The following SORCS3 variants were observed in gnomAD, a reference collection of about 807,000 sequenced individuals.
The protein encoded by SORCS3 is sortilin related VPS10 domain containing receptor 3, also known as VPS10 domain-containing receptor SorCS3.
Under a neutral mutation model 146.3 loss-of-function variants are expected in SORCS3, and 57 were observed. The ratio of observed to expected loss-of-function variants is 0.39; its 90% CI spans 0.31 to 0.49. SORCS3 has a LOEUF of 0.49. SORCS3 is among the 20% of genes least tolerant of loss of function. The probability of loss-of-function intolerance (pLI) is 0.92; values close to 1 mark genes in which losing one functional copy is unlikely to be tolerated. For missense variants in SORCS3, 1,341 were observed against 1,575.5 expected (o/e 0.85, Z 2.52); for synonymous variants, 653 against 618.5 (o/e 1.06, Z -0.83).
chr10:104,989,642 G>A (rs2054982489), intron 4 of SORCS3, among the ~76,000 whole-genome samples: 1 of 152,172 alleles, frequency 6.6e-6, no homozygotes. Context: ...TTCTGTCTAA[G>A]CAGAATGTGA....
At chr10:105,012,336 A>G (rs1331429205) in intron 4 of SORCS3, among the ~76,000 whole-genome samples, 2 of 152,192 alleles carry the variant, frequency 1.3e-5, no homozygotes, top group African/African-American at 4.8e-5. Flanking sequence ...ATGCATGTTC[A>G]AAGTGAAGGA....
intron 1 of SORCS3, among the ~76,000 whole-genome samples, chr10:104,773,853 T>C (rs2017278772): frequency 6.6e-6 from 1 of 152,170 alleles, no homozygotes. Flanking sequence ...ACAGTGCAGG[T>C]CTCTGAGATA....
intron 1 of SORCS3, among the ~76,000 whole-genome samples, chr10:104,820,452 T>TA (rs2017860471): frequency 6.6e-6 from 1 of 152,216 alleles, no homozygotes; most frequent in South Asian, 2.1e-4. Context: ...AGTAGGGTTT[T>TA]ATTTATTTAT....
At chr10:104,743,030 T>A (rs2016867667) in intron 1 of SORCS3, among the ~76,000 whole-genome samples, 1 of 152,240 alleles carries the variant, frequency 6.6e-6, no homozygotes, top group Admixed American at 6.5e-5. Flanking sequence ...CATTACCTTT[T>A]AAAAAATTTC....
chr10:104,802,990 A>G (rs772662444), intron 1 of SORCS3, among the ~76,000 whole-genome samples: 28 of 152,106 alleles, frequency 1.8e-4, no homozygotes, highest in Non-Finnish European at 3.2e-4. Flanking sequence ...TCTGCTCCGC[A>G]AGGTCATCCA....
intron 2 of SORCS3, among the ~76,000 whole-genome samples, chr10:104,883,221 C>T (rs1234543512): frequency 6.6e-6 from 1 of 152,206 alleles, no homozygotes; most frequent in African/African-American, 2.4e-5. Flanking sequence ...CAGGAAAGAG[C>T]TGCCTAATTA....
At chr10:104,976,826 G>A (rs988761933) in intron 3 of SORCS3, among the ~76,000 whole-genome samples, 16 of 151,802 alleles carry the variant, frequency 1.1e-4, no homozygotes, top group African/African-American at 2.4e-4. Context: ...ACCAAACACC[G>A]CATATTCTCA....
rs117998782 is a variant in SORCS3 at position 105,118,819 on chromosome 10, G to C, written c.1212+13304G>C. 4.5e-3 allele frequency among the ~76,000 whole-genome samples: 683 copies of C among 152,242 alleles called. 36 individuals are homozygous for C. In the East Asian group the frequency reaches 0.1, roughly 23 times the overall value. On this transcript the variant is annotated intron_variant, in intron 7 of 26. Transcript: ENST00000369701. ...TTGAGAGAGATGATTTAGGGTATCT[G>C]GTGGAAGGAACTTCTAAGAGGCAAA...
At chr10:104,882,047 A>G (rs1413118076) in intron 2 of SORCS3, among the ~76,000 whole-genome samples, 1 of 152,230 alleles carries the variant, frequency 6.6e-6, no homozygotes, top group East Asian at 1.9e-4. Flanking sequence ...GTGGATGCAC[A>G]GTGAAATTTA....
intron 14 of SORCS3, among the ~76,000 whole-genome samples, chr10:105,191,288 T>G (rs572875251): frequency 6.6e-6 from 1 of 152,336 alleles, no homozygotes; most frequent in South Asian, 2.1e-4. Context: ...GAGAGTGATT[T>G]TATTTTCTTC....
At chr10:105,105,280 C>T in intron 6 of SORCS3, 117 bp from the exon 7 acceptor site, 1 of 614,142 alleles carries the variant, frequency 1.6e-6, no homozygotes, top group South Asian at 2.1e-5. Flanking sequence ...CATGAAATCT[C>T]ACTGTTATTT....
chr10:105,034,707 A>G (rs2055294582), intron 4 of SORCS3, among the ~76,000 whole-genome samples: 2 of 152,190 alleles, frequency 1.3e-5, no homozygotes, highest in African/African-American at 2.4e-5. Context: ...ATTGGAGGCA[A>G]AGTCAGAAGG....
intron 1 of SORCS3, among the ~76,000 whole-genome samples, chr10:104,704,673 C>T (rs1161542434): frequency 6.6e-6 from 1 of 152,118 alleles, no homozygotes; most frequent in African/African-American, 2.4e-5. Flanking sequence ...ACCAATTTTT[C>T]CCTAGTACTC....
Position 105,231,976 on chromosome 10 carries a change from A to G in SORCS3, c.2868+8727A>G, listed in dbSNP as rs190452364. 7.9e-5 allele frequency among the ~76,000 whole-genome samples: 12 copies of G among 152,146 alleles called. No homozygotes were observed. In the East Asian group the frequency reaches 1.5e-3, roughly 20 times the overall value. The stretch of plus-strand genomic sequence containing the variant: ...ATCTTTAGTTTTCCTTTCTTGTAAT[A>G]TATTTACCTGATTTTGATATTTGGT... On this transcript the variant is annotated intron_variant, in intron 20 of 26. Coordinates refer to ENST00000369701, the MANE Select transcript of SORCS3 (RefSeq NM_014978.3).
At position 105,183,622 on chromosome 10, in the gene SORCS3, C is replaced by T. The variant is rs190986065; in HGVS notation, c.2009+5449C>T. Among the ~76,000 whole-genome samples, 45 of 152,222 alleles carry T rather than the reference C, an allele frequency of 3.0e-4. No homozygotes were observed. The East Asian group carries it at 4.5e-3, about 15-fold the overall frequency. ...TTTACTTTGCCCAAAGTAAGTCATTCGAGTAATCGGCAAATCCGGTGGAAC... is the reference window on the plus strand; with the variant it reads ...TTTACTTTGCCCAAAGTAAGTCATTTGAGTAATCGGCAAATCCGGTGGAAC... On this transcript the variant is annotated intron_variant, in intron 14 of 26. Coordinates refer to ENST00000369701, the MANE Select transcript of SORCS3 (RefSeq NM_014978.3).
At chr10:104,773,713 A>T (rs1472510200) in intron 1 of SORCS3, among the ~76,000 whole-genome samples, 3 of 152,226 alleles carry the variant, frequency 2.0e-5, no homozygotes, top group Non-Finnish European at 4.4e-5. Context: ...ACATTGGGAT[A>T]TATGTGAAAG....
intron 10 of SORCS3, 139 bp downstream of exon 10, chr10:105,157,423 T>C: frequency 1.0e-6 from 1 of 973,716 alleles, no homozygotes; most frequent in East Asian, 2.6e-5. Flanking sequence ...TGCAGGGCAT[T>C]GGTGTGTGGA....
intron 23 of SORCS3, 80 bp from the exon 24 acceptor site, chr10:105,255,622 C>T: frequency 3.3e-6 from 3 of 917,372 alleles, no homozygotes; most frequent in Non-Finnish European, 5.3e-6. Context: ...TACCTATTGA[C>T]CTTGTCCTTG....
chr10:105,007,681 G>A (rs1033746157), intron 4 of SORCS3, among the ~76,000 whole-genome samples: 4 of 151,708 alleles, frequency 2.6e-5, no homozygotes, highest in Non-Finnish European at 5.9e-5. Flanking sequence ...CTGGCCACAA[G>A]GTCAGTTCAT....
Sources: gnomAD v4.1 joint callset for allele counts (sites outside exome capture counted in the v4.1 genomes callset) on GRCh38, gnomAD v4.1.1 for gene constraint, MANE v1.5 for transcripts, NCBI Gene and HGNC (gene_info 2026-07-23, HGNC 2026-07-21) for gene names.